Variants in PTPN4 observed in about 807,000 individuals in gnomAD.
The protein encoded by PTPN4 is tyrosine-protein phosphatase non-receptor type 4.
PTPN4 carries 49 observed loss-of-function variants against 135.5 expected under a neutral mutation model. The observed-to-expected ratio is 0.36, with a 90% CI of 0.29 to 0.46. The LOEUF (loss-of-function observed/expected upper bound fraction) is 0.46. Among genes scored for constraint, PTPN4 ranks in the 20% least tolerant of loss-of-function variants. PTPN4 has a pLI of 1.00. For missense variants in PTPN4, 860 were observed against 1,101.0 expected (o/e 0.78, Z 3.10); for synonymous variants, 333 against 369.9 (o/e 0.90, Z 1.14).
intron 12 of PTPN4, among the ~76,000 whole-genome samples, chr2:119,923,529 T>C (rs970541112): frequency 2.6e-5 from 4 of 152,114 alleles, no homozygotes; most frequent in Non-Finnish European, 2.9e-5. Flanking sequence ...AGTCAACATA[T>C]AGACATTATC....
intron 2 of PTPN4, among the ~76,000 whole-genome samples, chr2:119,836,592 G>A (rs985782961): frequency 5.3e-5 from 8 of 152,254 alleles, no homozygotes; most frequent in Admixed American, 1.3e-4. Context: ...AGTTGGCAGA[G>A]TGGGAAACCT....
chr2:119,905,821 G>A (rs1436678990), intron 10 of PTPN4, among the ~76,000 whole-genome samples: 1 of 152,040 alleles, frequency 6.6e-6, no homozygotes, highest in Non-Finnish European at 1.5e-5. Context: ...TTTGGAAACT[G>A]TACAAATACA....
At chr2:119,964,191 G>A (rs561978782) in intron 24 of PTPN4, among the ~76,000 whole-genome samples, 1 of 152,272 alleles carries the variant, frequency 6.6e-6, no homozygotes, top group South Asian at 2.1e-4. Context: ...GTGCCAAGTA[G>A]CTGATGGGGT....
At chr2:119,791,424 G>A (rs1160182717) in intron 1 of PTPN4, among the ~76,000 whole-genome samples, 3 of 152,244 alleles carry the variant, frequency 2.0e-5, no homozygotes, top group Admixed American at 2.0e-4. Flanking sequence ...AAGCCACCTA[G>A]CTTAGGCTAT....
intron 3 of PTPN4, among the ~76,000 whole-genome samples, chr2:119,872,694 T>C (rs1162296545): frequency 2.6e-5 from 4 of 152,176 alleles, no homozygotes; most frequent in Non-Finnish European, 4.4e-5. Context: ...CTTGAGGTGA[T>C]ATGTTTCATG....
intron 2 of PTPN4, among the ~76,000 whole-genome samples, chr2:119,853,847 A>G (rs185030243): frequency 6.6e-6 from 1 of 152,132 alleles, no homozygotes; most frequent in Non-Finnish European, 1.5e-5. Flanking sequence ...TCTGATGACT[A>G]GAGGAACACC....
intron 2 of PTPN4, among the ~76,000 whole-genome samples, chr2:119,855,812 A>AT (rs1198736843): frequency 1.3e-5 from 2 of 150,402 alleles, no homozygotes; most frequent in East Asian, 1.9e-4. Context: ...ATTTATTATT[A>AT]TTTTTTTTTG....
chr2:119,910,346 A>C (rs1408226045), intron 10 of PTPN4, among the ~76,000 whole-genome samples: 1 of 152,170 alleles, frequency 6.6e-6, no homozygotes, highest in Non-Finnish European at 1.5e-5. Context: ...ACCAAAAAAT[A>C]GTGTGACTCA....
At chr2:119,974,328 C>T (rs905706866) in intron 26 of PTPN4, among the ~76,000 whole-genome samples, 17 of 152,180 alleles carry the variant, frequency 1.1e-4, no homozygotes, top group African/African-American at 4.1e-4. Flanking sequence ...TCTCCTGCCT[C>T]GGCCTCCCAA....
At chr2:119,823,235 C>CT (rs904685057) in intron 2 of PTPN4, among the ~76,000 whole-genome samples, 2,869 of 139,592 alleles carry the variant, frequency 0.021, 26 homozygotes, top group African/African-American at 0.023. Context: ...TCATCTGTTT[C>CT]TTTTTTTTTT....
chr2:119,901,543 C>A (rs72971022), intron 10 of PTPN4, among the ~76,000 whole-genome samples: 3,855 of 152,240 alleles, frequency 0.025, 164 homozygotes, highest in African/African-American at 0.087. Context: ...TTATTTCTTT[C>A]TTTTACCCAG....
chr2:119,961,573 A>G (rs1679367087), intron 23 of PTPN4, among the ~76,000 whole-genome samples: 1 of 152,358 alleles, frequency 6.6e-6, no homozygotes, highest in Non-Finnish European at 1.5e-5. Context: ...AAAAGAGTTG[A>G]AAAGGTCTGT....
At chr2:119,961,756 A>G (rs1679369171) in intron 23 of PTPN4, among the ~76,000 whole-genome samples, 1 of 152,258 alleles carries the variant, frequency 6.6e-6, no homozygotes, top group African/African-American at 2.4e-5. Context: ...AAACCTGGAA[A>G]ACACTTAGCA....
chr2:119,961,278 C>T (rs1287259968), intron 23 of PTPN4, among the ~76,000 whole-genome samples: 1 of 152,092 alleles, frequency 6.6e-6, no homozygotes, highest in Non-Finnish European at 1.5e-5. Context: ...TCTGAATAGA[C>T]AGTTCTCCAA....
At position 119,957,018 on chromosome 2, in the gene PTPN4, G is replaced by C. The variant is rs764243664; in HGVS notation, c.2074G>C (p.Asp692His). ...KNRYRDISPY[D>H]ATRVILKGNE... ...TTATTTCTTTTAAATTTTTTTAGAT[G>C]ATGCCACACGGGTCATTTTAAAAGG... Residue 692 changes from aspartate (D) to histidine (H), a missense_variant and splice_region_variant, in exon 22 of 27, where the codon GAT (aspartate) becomes CAT (histidine). By Grantham distance (81) the Asp-to-His change is moderately conservative (BLOSUM62 -1). Around this residue, in one of 2 missense-constraint regions of PTPN4, gnomAD observed 176 missense variants for 294.1 expected, o/e 0.60. Transcript: ENST00000263708. 1 of 1,608,954 alleles carries C rather than the reference G, an allele frequency of 6.2e-7. No individual in the cohort carries two copies. The highest frequency in any genetic ancestry group is 2.2e-5 in the East Asian group (1 of 44,738).
chr2:119,838,217 T>A (rs1677325244), intron 2 of PTPN4, among the ~76,000 whole-genome samples: 1 of 152,174 alleles, frequency 6.6e-6, no homozygotes, highest in African/African-American at 2.4e-5. Context: ...TTTGCTTTTT[T>A]ATTTCCAACT....
intron 2 of PTPN4, among the ~76,000 whole-genome samples, chr2:119,856,537 G>A (rs1203777343): frequency 6.6e-6 from 1 of 152,142 alleles, no homozygotes; most frequent in East Asian, 1.9e-4. Context: ...AGCTAACAAA[G>A]GGAATCCTAC....
At chr2:119,898,586 A>C (rs569938940) in intron 9 of PTPN4, among the ~76,000 whole-genome samples, 4 of 152,130 alleles carry the variant, frequency 2.6e-5, no homozygotes, top group South Asian at 2.1e-4. Context: ...AAATAGCTCT[A>C]CTCTCTGTTA....
chr2:119,920,766 T>C (rs1678725327), intron 12 of PTPN4, among the ~76,000 whole-genome samples: 1 of 152,206 alleles, frequency 6.6e-6, no homozygotes, highest in African/African-American at 2.4e-5. Context: ...TTGATAGCTT[T>C]TATTTTTTCC....
Sources: allele counts gnomAD v4.1 joint callset (sites outside exome capture counted in the v4.1 genomes callset), GRCh38; gene constraint gnomAD v4.1.1; regional missense constraint gnomAD v4.1.1; transcripts MANE v1.5; gene names NCBI Gene and HGNC (gene_info 2026-07-23, HGNC 2026-07-21).